Variants in MOSMO observed in about 807,000 individuals in gnomAD.
MOSMO encodes the protein modulator of smoothened.
Under a neutral mutation model 18.4 loss-of-function variants are expected in MOSMO, and 5 were observed. The observed-to-expected ratio is 0.27, with a 90% CI of 0.14 to 0.57. The LOEUF is 0.57. Among genes scored for constraint, MOSMO ranks in the 20% least tolerant of loss-of-function variants. The pLI, the probability that MOSMO is intolerant of heterozygous loss-of-function variation, is 0.92. For missense variants in MOSMO, 138 were observed against 211.8 expected (o/e 0.65, Z 2.16); for synonymous variants, 82 against 82.3 (o/e 1.00, Z 0.02).
intron 1 of MOSMO, among the ~76,000 whole-genome samples, chr16:22,036,169 C>T (rs1304079463): frequency 6.6e-6 from 1 of 152,098 alleles, no homozygotes; most frequent in Admixed American, 6.6e-5. Context: ...CTCTCTCTCC[C>T]AGGCTACAGT....
chr16:22,087,834 C>G (rs775382423), downstream of MOSMO, among the ~76,000 whole-genome samples: 1 of 152,000 alleles, frequency 6.6e-6, no homozygotes, highest in African/African-American at 2.4e-5. Context: ...GACCTTGAGC[C>G]GGGACACAAA....
Position 22,029,627 on chromosome 16 carries a change from A to T in MOSMO, c.106+21220A>T, listed in dbSNP as rs571963294. ...TTTAGTAGAATTAATTAACTAATTT[A>T]TTTATTTATTTATTTAGAGACAGGG... On this transcript the variant is annotated intron_variant, in intron 1 of 2. Transcript: ENST00000542527. 2.6e-5 allele frequency among the ~76,000 whole-genome samples: 4 copies of T among 152,150 alleles called. No individual in the cohort carries two copies. The South Asian group carries it at 8.3e-4, about 32-fold the overall frequency.
chr16:22,062,618 T>C (rs530220169), intron 1 of MOSMO, among the ~76,000 whole-genome samples: 148 of 152,298 alleles, frequency 9.7e-4, no homozygotes, highest in Non-Finnish European at 1.4e-3. Context: ...CCATAGCACC[T>C]GGCCTATTTC....
At chr16:22,025,002 T>A (rs1396407029) in intron 1 of MOSMO, among the ~76,000 whole-genome samples, 1 of 151,856 alleles carries the variant, frequency 6.6e-6, no homozygotes, top group African/African-American at 2.4e-5. Context: ...TTTTTTTTTT[T>A]AATTGCTAGT....
chr16:22,027,320 G>A (rs1390862693), intron 1 of MOSMO, among the ~76,000 whole-genome samples: 1 of 152,172 alleles, frequency 6.6e-6, no homozygotes, highest in Non-Finnish European at 1.5e-5. Context: ...TGTTTCTAAA[G>A]TTTTAACTCT....
At chr16:22,045,184 CAA>C (rs1207459889) in intron 1 of MOSMO, among the ~76,000 whole-genome samples, 13 of 115,890 alleles carry the variant, frequency 1.1e-4, no homozygotes, top group Non-Finnish European at 7.3e-5. Context: ...GACATTGTCT[CAA>C]AAAAAAAAAA....
chr16:22,059,592 T>G (rs1598018121), intron 1 of MOSMO, among the ~76,000 whole-genome samples: 1 of 152,016 alleles, frequency 6.6e-6, no homozygotes, highest in South Asian at 2.1e-4. Flanking sequence ...TGGCAGAAGG[T>G]GAAGGGGAAG....
intron 1 of MOSMO, among the ~76,000 whole-genome samples, chr16:22,073,296 G>T (rs1180215471): frequency 6.6e-6 from 1 of 152,188 alleles, no homozygotes; most frequent in Admixed American, 6.5e-5. Context: ...TACAGACTTT[G>T]TATGTTAAAT....
intron 1 of MOSMO, among the ~76,000 whole-genome samples, chr16:22,045,466 A>G (rs2141736443): frequency 6.6e-6 from 1 of 152,280 alleles, no homozygotes; most frequent in African/African-American, 2.4e-5. Context: ...AATATTTAGG[A>G]ACTGAGAAAA....
chr16:22,092,535 G>A, the MOSMO span: 113 of 1,453,644 alleles, frequency 7.8e-5, no homozygotes, highest in East Asian at 1.5e-4. Flanking sequence ...GGCAAGCTTC[G>A]CTGCTGAGTT....
chr16:22,035,590 TG>T (rs1452461068), intron 1 of MOSMO, among the ~76,000 whole-genome samples: 1 of 152,126 alleles, frequency 6.6e-6, no homozygotes, highest in Non-Finnish European at 1.5e-5. Context: ...CAGGTTTCTG[TG>T]GAGGTTTTGA....
chr16:22,074,639 C>T (rs151050147), intron 1 of MOSMO, among the ~76,000 whole-genome samples: 1 of 152,264 alleles, frequency 6.6e-6, no homozygotes, highest in East Asian at 1.9e-4. Context: ...TTATAAATTA[C>T]CCCAAATTTG....
chr16:22,053,816 T>C (rs956234620), intron 1 of MOSMO, among the ~76,000 whole-genome samples: 3 of 151,798 alleles, frequency 2.0e-5, no homozygotes, highest in Non-Finnish European at 4.4e-5. Flanking sequence ...AAAAAAGAAG[T>C]GGTTATTGCT....
At chr16:22,060,285 T>C (rs970110727) in intron 1 of MOSMO, among the ~76,000 whole-genome samples, 1 of 152,208 alleles carries the variant, frequency 6.6e-6, no homozygotes, top group Admixed American at 6.5e-5. Context: ...GTAAAACACA[T>C]GTCAGAAGAT....
chr16:22,041,900 G>A (rs1900217183), intron 1 of MOSMO, among the ~76,000 whole-genome samples: 3 of 151,910 alleles, frequency 2.0e-5, no homozygotes, highest in Admixed American at 2.0e-4. Flanking sequence ...TGCCCAGCTT[G>A]GTCTTGAACT....
rs1176961497 is a variant in MOSMO at position 22,083,935 on chromosome 16, C to T, written c.*3055C>T. 3.6e-6 allele frequency: 1 copy of T among 281,078 alleles called. No homozygotes were observed. Among genetic ancestry groups the T allele is most frequent in the Non-Finnish European group, 6.8e-6 (1 of 146,238 alleles). The allele number at this position is 281,078 out of a possible 1,614,324, so 17.4% of individuals were successfully genotyped here. Reference sequence around the variant, plus strand: ...TCTGACTCTTCCACCTCTTATAAACCTATTTTCTGTTTCATTTGTTTTGTT... The same window carrying T: ...TCTGACTCTTCCACCTCTTATAAACTTATTTTCTGTTTCATTTGTTTTGTT... On this transcript the variant is annotated 3_prime_UTR_variant, in exon 3 of 3. Coordinates refer to ENST00000542527, the MANE Select transcript of MOSMO (RefSeq NM_001164579.2).
chr16:22,061,423 A>G (rs1900643035), intron 1 of MOSMO, among the ~76,000 whole-genome samples: 1 of 152,170 alleles, frequency 6.6e-6, no homozygotes, highest in South Asian at 2.1e-4. Flanking sequence ...CTGTGGATAG[A>G]ATGCTTATGT....
At chr16:22,073,374 C>T (rs1384240060) in intron 1 of MOSMO, among the ~76,000 whole-genome samples, 1 of 152,124 alleles carries the variant, frequency 6.6e-6, no homozygotes, top group Non-Finnish European at 1.5e-5. Flanking sequence ...TCATTGCCAG[C>T]AGTTACATCT....
chr16:22,027,506 T>G (rs1312685947), intron 1 of MOSMO, among the ~76,000 whole-genome samples: 1 of 152,196 alleles, frequency 6.6e-6, no homozygotes, highest in African/African-American at 2.4e-5. Context: ...GAGAATTAAC[T>G]TGAGCACACA....
Sources: allele counts gnomAD v4.1 joint callset (sites outside exome capture counted in the v4.1 genomes callset), GRCh38; gene constraint gnomAD v4.1.1; transcripts MANE v1.5; gene names NCBI Gene and HGNC (gene_info 2026-07-23, HGNC 2026-07-21).